The following JMJD1C variants were observed in gnomAD, a reference collection of about 807,000 sequenced individuals.
JMJD1C encodes jumonji domain-containing protein 1C.
Under a neutral mutation model 245.3 loss-of-function variants are expected in JMJD1C, and 31 were observed. The ratio of observed to expected loss-of-function variants is 0.13; its 90% confidence interval spans 0.09 to 0.17. JMJD1C has a LOEUF of 0.17. Ranked by LOEUF, JMJD1C falls within the 10% of genes least tolerant of loss-of-function variation. The pLI is 1.00. For synonymous variants in JMJD1C, 1,057 were observed against 1,017.4 expected, an observed-to-expected ratio of 1.04 and a Z score of -0.74; for missense variants, 2,691 against 3,000.2, an observed-to-expected ratio of 0.90 and a Z score of 2.41.
At chr10:63,302,149 C>T (rs1408384435) in intron 2 of JMJD1C, among the ~76,000 whole-genome samples, 1 of 152,166 alleles carries the variant, frequency 6.6e-6, no homozygotes, top group Non-Finnish European at 1.5e-5. Context: ...TCCCAAGTAG[C>T]TGGGACTACT....
intron 1 of JMJD1C, among the ~76,000 whole-genome samples, chr10:63,400,160 T>G (rs2132576307): frequency 6.6e-6 from 1 of 152,274 alleles, no homozygotes; most frequent in Non-Finnish European, 1.5e-5. Context: ...CCCTAACAGA[T>G]GGATATTTGG....
chr10:63,207,057 C>T lies in JMJD1C; in HGVS notation c.4612G>A (p.Ala1538Thr). The change falls in exon 10 of 26, where the codon GCT (alanine) becomes ACT (threonine). Residue 1538 changes from alanine (A) to threonine (T), a missense_variant. By Grantham distance (58) the Ala-to-Thr change is moderately conservative. Transcript: ENST00000399262. ...TAGTTTGGTTGACTTGTCTGGGAAG[C>T]TTGCCCATTTCCTACAGAGTTTGCT... is the stretch of plus-strand genomic sequence containing the variant. ...NKANSVGNGQ[A>T]SQTSQPNYHT... is the part of the protein sequence containing the mutation. 6.2e-7 allele frequency: 1 copy of T among 1,614,158 alleles called. No individual in the cohort carries two copies. The highest frequency in any genetic ancestry group is 1.1e-5 in the South Asian group (1 of 91,076).
chr10:63,206,045 T>C (rs1846571725), intron 10 of JMJD1C, among the ~76,000 whole-genome samples: 1 of 152,154 alleles, frequency 6.6e-6, no homozygotes, highest in East Asian at 1.9e-4. Context: ...TACTATGCTA[T>C]TTTATATAAG....
At chr10:63,346,990 A>G (rs947217302) in intron 2 of JMJD1C, among the ~76,000 whole-genome samples, 3 of 152,006 alleles carry the variant, frequency 2.0e-5, no homozygotes, top group African/African-American at 7.2e-5. Context: ...TTTTCACACC[A>G]AAAGTAAAGT....
Position 63,206,929 on chromosome 10 carries a change from C to T in JMJD1C, c.4740G>A (p.Lys1580=). The change falls in exon 10 of 26, where the codon AAG becomes AAA. Residue 1580 remains lysine (K), a synonymous_variant. Transcript: ENST00000399262. ...AGGCTATTAAGTTGACAGAACATGG[C>T]TTAATAATTTCTGATACAGAATTCC... ...NSGNSVSEII[K]PCSVNLIAST... 7 of 1,612,020 alleles carry T rather than the reference C, an allele frequency of 4.3e-6. No individual in the cohort carries two copies. Among genetic ancestry groups the T allele is most frequent in the Non-Finnish European group, 5.9e-6 (7 of 1,178,898 alleles).
intron 2 of JMJD1C, among the ~76,000 whole-genome samples, chr10:63,324,112 T>A (rs1264049749): frequency 6.6e-6 from 1 of 150,926 alleles, no homozygotes; most frequent in Non-Finnish European, 1.5e-5. Context: ...AGGGTGGTCC[T>A]TCCCTACTCA....
chr10:63,461,887 AGAG>A (rs1270017996), intron 1 of JMJD1C, among the ~76,000 whole-genome samples: 2 of 152,188 alleles, frequency 1.3e-5, no homozygotes, highest in Non-Finnish European at 2.9e-5. Context: ...AAGTTAAACA[AGAG>A]GAGAGTAAAT....
chr10:63,497,314 AT>A (rs1444874755), intron 1 of JMJD1C, among the ~76,000 whole-genome samples: 4 of 152,218 alleles, frequency 2.6e-5, no homozygotes, highest in African/African-American at 9.7e-5. Context: ...ATGTTTATGT[AT>A]ACAATGGACT....
intron 1 of JMJD1C, among the ~76,000 whole-genome samples, chr10:63,512,416 G>GT (rs1309656259): frequency 1.3e-5 from 2 of 151,918 alleles, no homozygotes; most frequent in East Asian, 3.9e-4. Context: ...TTCACTTTGA[G>GT]TAAGTCTTTA....
chr10:63,454,036 G>A (rs1430951399), intron 1 of JMJD1C, among the ~76,000 whole-genome samples: 1 of 151,902 alleles, frequency 6.6e-6, no homozygotes. Context: ...AATTCTGTTT[G>A]TATCATCCCA....
At chr10:63,444,103 ACT>A (rs537696621) in intron 1 of JMJD1C, among the ~76,000 whole-genome samples, 54 of 152,352 alleles carry the variant, frequency 3.5e-4, no homozygotes, top group Admixed American at 3.5e-3. Flanking sequence ...CAAAACATTT[ACT>A]GAGAGTCAAT....
At chr10:63,401,032 T>C (rs1287782539) in intron 1 of JMJD1C, among the ~76,000 whole-genome samples, 1 of 151,516 alleles carries the variant, frequency 6.6e-6, no homozygotes, top group Non-Finnish European at 1.5e-5. Context: ...CTAATTTTTG[T>C]ATTTTTAGTA....
At chr10:63,391,670 C>T (rs1448005722) in intron 1 of JMJD1C, among the ~76,000 whole-genome samples, 10 of 152,142 alleles carry the variant, frequency 6.6e-5, no homozygotes, top group African/African-American at 2.2e-4. Flanking sequence ...AATAGAAAGA[C>T]ATCCCATGCT....
At chr10:63,489,929 T>C (rs1266958607) in intron 1 of JMJD1C, among the ~76,000 whole-genome samples, 1 of 152,220 alleles carries the variant, frequency 6.6e-6, no homozygotes, top group Non-Finnish European at 1.5e-5. Flanking sequence ...TGAGGGCGCA[T>C]TATCTAGCCT....
intron 3 of JMJD1C, among the ~76,000 whole-genome samples, chr10:63,247,102 C>CAAAAA (rs200646094): frequency 8.2e-5 from 5 of 60,868 alleles, no homozygotes; most frequent in South Asian, 5.7e-4. Context: ...TAAACTGAGA[C>CAAAAA]AAAAAAAACA....
rs149889210 is a variant in JMJD1C at position 63,214,485 on chromosome 10, G to C, written c.1682C>G (p.Ser561Cys). The change falls in exon 8 of 26, where the codon TCT becomes TGT. Residue 561 changes from serine to cysteine, a missense_variant. Ser to Cys is a moderately radical substitution (Grantham distance 112, BLOSUM62 -1). Transcript: ENST00000399262. ...AKFLETAKKD[S>C]DQSWVSDVVK... ...TACATCACTGACCCAGCTCTGGTCAGAATCTTTTTTTGCTGTTTCCAAGAA... is the reference window on the plus strand; with the variant it reads ...TACATCACTGACCCAGCTCTGGTCACAATCTTTTTTTGCTGTTTCCAAGAA... 4.9e-4 allele frequency: 789 copies of C among 1,614,000 alleles called. 5 individuals carry two copies. The African/African-American group carries it at 9.7e-3, about 20-fold the overall frequency.
chr10:63,313,192 T>C (rs1196121675), intron 2 of JMJD1C, among the ~76,000 whole-genome samples: 2 of 152,194 alleles, frequency 1.3e-5, no homozygotes, highest in African/African-American at 4.8e-5. Flanking sequence ...AAAGAGAACA[T>C]ACGATGTTTG....
intron 2 of JMJD1C, among the ~76,000 whole-genome samples, chr10:63,338,982 G>A (rs539850763): frequency 9.9e-5 from 15 of 152,208 alleles, no homozygotes; most frequent in Admixed American, 3.3e-4. Flanking sequence ...TGTGTAGTAT[G>A]AAAGATTATT....
chr10:63,507,415 G>A (rs991255255), intron 1 of JMJD1C, among the ~76,000 whole-genome samples: 8 of 151,874 alleles, frequency 5.3e-5, no homozygotes, highest in East Asian at 3.9e-4. Flanking sequence ...AGGCTGAGGC[G>A]GGGGGATCAC....
Sources: gnomAD v4.1 joint callset for allele counts (sites outside exome capture counted in the v4.1 genomes callset) on GRCh38, gnomAD v4.1.1 for gene constraint, MANE v1.5 for transcripts, NCBI Gene and HGNC (gene_info 2026-07-23, HGNC 2026-07-21) for gene names.